The following KIF1B variants were observed in gnomAD, a reference collection of about 807,000 sequenced individuals.
KIF1B encodes kinesin-like protein KIF1B.
A neutral mutation model predicts 241.9 loss-of-function variants in KIF1B; 76 were observed. That is an observed-to-expected ratio of 0.31 (90% CI 0.26 to 0.38). The LOEUF (loss-of-function observed/expected upper bound fraction) is 0.38. KIF1B is among the 10% of genes least tolerant of loss of function. The probability of loss-of-function intolerance (pLI) is 1.00; values close to 1 mark genes in which losing one functional copy is unlikely to be tolerated. For synonymous variants in KIF1B, 750 were observed against 796.7 expected, an observed-to-expected ratio of 0.94 and a Z score of 0.99; for missense variants, 1,622 against 2,271.4, an observed-to-expected ratio of 0.71 and a Z score of 5.81.
chr1:10,253,801 A>G (rs1296795587), intron 2 of KIF1B, among the ~76,000 whole-genome samples: 1 of 152,222 alleles, frequency 6.6e-6, no homozygotes, highest in South Asian at 2.1e-4. Context: ...TGTTCCTTCT[A>G]GAACCATGTC....
At chr1:10,360,142 G>T (rs947899493) in intron 38 of KIF1B, among the ~76,000 whole-genome samples, 1 of 152,144 alleles carries the variant, frequency 6.6e-6, no homozygotes, top group African/African-American at 2.4e-5. Context: ...TATCTGTGGT[G>T]TTTCTGAGGC....
chr1:10,223,621 A>G (rs907079203), intron 1 of KIF1B, among the ~76,000 whole-genome samples: 6 of 145,206 alleles, frequency 4.1e-5, no homozygotes, highest in African/African-American at 1.5e-4. Context: ...ATCTTGGCTC[A>G]CTGCAACCTC....
chr1:10,378,660 G>C lies in KIF1B; in HGVS notation c.*2073G>C, dbSNP rs1036568066. On this transcript the variant is annotated 3_prime_UTR_variant, in exon 49 of 49. Transcript: ENST00000676179. ...AAAGGCCAGGGGCTTGCGCGCCTCT[G>C]CAGAGTTGTTGCTAGGGAGACTTGT... The C allele has an allele frequency of 1.9e-6, 1 of 527,124 alleles. No individual in the cohort carries two copies. The highest frequency in any genetic ancestry group is 3.4e-6 in the Non-Finnish European group (1 of 293,106). 32.7% of individuals were successfully genotyped at this position (527,124 alleles called of 1,614,324 possible).
intron 11 of KIF1B, 128 bp from the exon 12 acceptor site, chr1:10,276,193 A>C: frequency 2.6e-6 from 2 of 758,548 alleles, no homozygotes; most frequent in Non-Finnish European, 4.5e-6. Context: ...CAAAAAAAAA[A>C]TAAAAGAAAG....
Position 10,303,184 on chromosome 1 carries a change from G to T in KIF1B, c.2115+5938G>T. 6.2e-7 allele frequency: 1 copy of T among 1,613,464 alleles called. No homozygotes were observed. The highest frequency in any genetic ancestry group is 1.1e-5 in the South Asian group (1 of 90,938). On this transcript the variant is annotated intron_variant, in intron 22 of 48. Coordinates refer to ENST00000676179, the MANE Select transcript of KIF1B (RefSeq NM_001365951.3). This position sits in a 1 kb window ranked among gnomAD's most constrained non-coding sequence, Gnocchi z 5.2. ...AAAGGACGCGGATTCTGATAGCGGG[G>T]ACGATTCTGACAAGAGGTCGTGTGA... is the stretch of plus-strand genomic sequence containing the variant.
intron 1 of KIF1B, among the ~76,000 whole-genome samples, chr1:10,219,166 A>G (rs1416615001): frequency 6.6e-6 from 1 of 152,206 alleles, no homozygotes; most frequent in East Asian, 1.9e-4. Flanking sequence ...ACATCCTGAT[A>G]TAAAGATACG....
intron 22 of KIF1B, among the ~76,000 whole-genome samples, chr1:10,314,401 T>C (rs1294760944): frequency 6.6e-6 from 1 of 151,342 alleles, no homozygotes; most frequent in Non-Finnish European, 1.5e-5. Flanking sequence ...AAAATGCAGT[T>C]AAAGTTTTTT....
At chr1:10,241,673 T>C (rs140095898) in intron 2 of KIF1B, among the ~76,000 whole-genome samples, 6 of 152,318 alleles carry the variant, frequency 3.9e-5, no homozygotes, top group East Asian at 1.9e-4. Flanking sequence ...GAGATTGTCA[T>C]AATTAAAATC....
chr1:10,354,670 G>A (rs1484973512), intron 38 of KIF1B, among the ~76,000 whole-genome samples: 1 of 152,136 alleles, frequency 6.6e-6, no homozygotes, highest in Non-Finnish European at 1.5e-5. Context: ...AAGTACAACT[G>A]GCATAAACAG....
intron 1 of KIF1B, among the ~76,000 whole-genome samples, chr1:10,219,458 C>T (rs1361326949): frequency 1.4e-5 from 2 of 145,914 alleles, no homozygotes; most frequent in Non-Finnish European, 1.5e-5. Flanking sequence ...AAAACTCCAT[C>T]TTAAAAGTAA....
At chr1:10,229,565 G>C (rs1253931534) in intron 1 of KIF1B, among the ~76,000 whole-genome samples, 1 of 152,052 alleles carries the variant, frequency 6.6e-6, no homozygotes, top group Non-Finnish European at 1.5e-5. Context: ...AAGAAAATTA[G>C]GGGCCAGACA....
intron 3 of KIF1B, among the ~76,000 whole-genome samples, chr1:10,256,961 G>C (rs1015786733): frequency 6.6e-6 from 1 of 151,808 alleles, no homozygotes; most frequent in Non-Finnish European, 1.5e-5. Context: ...ATCCACCTGT[G>C]TTTGCCTCCC....
At chr1:10,235,025 A>G (rs952658307) in intron 2 of KIF1B, among the ~76,000 whole-genome samples, 1 of 151,340 alleles carries the variant, frequency 6.6e-6, no homozygotes, top group African/African-American at 2.4e-5. Context: ...GAGTAGCTGG[A>G]ACTACAGGCA....
intron 1 of KIF1B, among the ~76,000 whole-genome samples, chr1:10,212,915 T>TATATATATATAC (rs1646715070): frequency 3.3e-5 from 4 of 121,686 alleles, no homozygotes; most frequent in South Asian, 4.9e-4. Flanking sequence ...TATATATATA[T>TATATATATATAC]ATATATATAT....
chr1:10,230,950 A>G (rs1646972285), intron 1 of KIF1B: 1 of 152,016 alleles, frequency 6.6e-6, no homozygotes, highest in Non-Finnish European at 1.5e-5. Context: ...GCAGTGACTC[A>G]CGCTTATAAT....
chr1:10,351,621 A>G (rs908411472), intron 37 of KIF1B, among the ~76,000 whole-genome samples: 4 of 152,190 alleles, frequency 2.6e-5, no homozygotes, highest in African/African-American at 9.7e-5. Context: ...TGCATCCGCT[A>G]GTGTTAACTT....
chr1:10,271,566 G>A lies in KIF1B; in HGVS notation c.785G>A (p.Gly262Glu). Residue 262 changes from glycine to glutamate, a missense_variant, in exon 8 of 49, where the codon GGG (glycine) becomes GAG (glutamate). Coordinates refer to ENST00000676179, the MANE Select transcript of KIF1B (RefSeq NM_001365951.3). ...CGAGCTGATTCAACTGGTGCCAAAG[G>A]GACTCGATTAAAGGTATTTATTTTA... ...SERADSTGAK[G>E]TRLKEGANIN... The A allele has an allele frequency of 6.2e-7, 1 of 1,612,820 alleles. No homozygotes were observed. The highest frequency in any genetic ancestry group is 1.3e-5 in the African/African-American group (1 of 74,946).
Position 10,258,522 on chromosome 1 carries a change from C to T in KIF1B, c.213C>T (p.Asn71=), listed in dbSNP as rs765503412. 8.1e-6 allele frequency: 13 copies of T among 1,614,036 alleles called. No individual in the cohort carries two copies. The highest frequency in any genetic ancestry group is 1.1e-5 in the Non-Finnish European group (13 of 1,179,986). The stretch of plus-strand genomic sequence containing the variant: ...AAGATCCCTGTTTTGCATCTCAAAA[C>T]CGTGTGTACAATGACATTGGCAAGG... The part of the protein sequence containing the change: ...SPEDPCFASQ[N]RVYNDIGKEM... The change falls in exon 4 of 49, where the codon AAC becomes AAT. Residue 71 remains asparagine, a synonymous_variant. Coordinates refer to ENST00000676179, the MANE Select transcript of KIF1B (RefSeq NM_001365951.3).
At chr1:10,366,625 T>G (rs1328753678) in intron 43 of KIF1B, among the ~76,000 whole-genome samples, 2 of 152,172 alleles carry the variant, frequency 1.3e-5, no homozygotes, top group African/African-American at 4.8e-5. Flanking sequence ...CTGAAGAGTT[T>G]AGAGTGGATG....
Sources: gnomAD v4.1 joint callset for allele counts (sites outside exome capture counted in the v4.1 genomes callset) on GRCh38, gnomAD v4.1.1 for gene constraint, Gnocchi (gnomAD v3.1) non-coding constraint, MANE v1.5 for transcripts, NCBI Gene and HGNC (gene_info 2026-07-23, HGNC 2026-07-21) for gene names.